Variants in SYNE2 observed in about 807,000 individuals in gnomAD.
SYNE2 encodes spectrin repeat containing nuclear envelope protein 2, also known as nesprin-2.
A neutral mutation model predicts 856.3 loss-of-function variants in SYNE2; 431 were observed. The ratio of observed to expected loss-of-function variants is 0.50; its 90% CI spans 0.47 to 0.55. The LOEUF is 0.55. Ranked by LOEUF, SYNE2 falls within the 20% of genes least tolerant of loss-of-function variation. The probability of loss-of-function intolerance (pLI) is 0.00; values close to 1 mark genes in which losing one functional copy is unlikely to be tolerated. For synonymous variants in SYNE2, 2,923 were observed against 2,872.3 expected (o/e 1.02, Z -0.56); for missense variants, 8,129 against 8,023.2 (o/e 1.01, Z -0.50).
At chr14:63,866,501 CT>C (rs1030495143) in intron 1 of SYNE2, among the ~76,000 whole-genome samples, 1 of 151,784 alleles carries the variant, frequency 6.6e-6, no homozygotes, top group East Asian at 1.9e-4. Context: ...CATCTCTATT[CT>C]TTTTTTTAAA....
chr14:64,080,654 G>T lies in SYNE2; in HGVS notation c.11346+16G>T. The stretch of plus-strand genomic sequence containing the variant: ...GTTGAATAAGGTATGGCTGTGACTC[G>T]TAATAGCTTCATATCATGTGGTGGT... On this transcript the variant is annotated intron_variant, in intron 56 of 115. Coordinates refer to ENST00000555002, the MANE Select transcript of SYNE2 (RefSeq NM_182914.3). The T allele has an allele frequency of 6.2e-7, 1 of 1,613,312 alleles. No individual in the cohort carries two copies. The highest frequency in any genetic ancestry group is 8.5e-7 in the Non-Finnish European group (1 of 1,179,418).
At chr14:64,037,149 T>TA (rs1332547014) in intron 45 of SYNE2, among the ~76,000 whole-genome samples, 6 of 151,556 alleles carry the variant, frequency 4.0e-5, no homozygotes, top group Non-Finnish European at 8.8e-5. Context: ...TTTTTTTTTT[T>TA]AATTGATCAT....
At chr14:63,830,530 G>A (rs1025075859) in intron 1 of SYNE2, among the ~76,000 whole-genome samples, 8 of 151,664 alleles carry the variant, frequency 5.3e-5, no homozygotes, top group East Asian at 1.9e-4. Flanking sequence ...GAGTGGTGGC[G>A]TGTACCTATG....
chr14:63,818,024 CA>C lies in SYNE2; in HGVS notation c.-304-34455del, dbSNP rs34186501. Among the ~76,000 whole-genome samples, 446 of 64,772 alleles carry C rather than the reference CA, an allele frequency of 6.9e-3. 1 individual carries two copies. Among genetic ancestry groups the C allele is most frequent in the African/African-American group, 0.025 (377 of 15,368 alleles). 42.5% of individuals were successfully genotyped at this position (64,772 alleles called of 152,430 possible). A position where few individuals can be genotyped will look rare whatever the true frequency, so the allele number is the denominator to read the frequency against. ...TGGGCTACCAAGTGAGACCCTTTCT[CA>C]AAAAAAAAAAAAAAAAAAAAACAAA... On this transcript the variant is annotated intron_variant, in intron 1 of 23. Coordinates refer to the SYNE2 transcript ENST00000674003.
rs370147066 is a variant in SYNE2 at position 64,152,644 on chromosome 14, A to G, written c.15720A>G (p.Ala5240=). 2 of 1,614,168 alleles carry G rather than the reference A, an allele frequency of 1.2e-6. No individual in the cohort carries two copies. The highest frequency in any genetic ancestry group is 1.3e-5 in the African/African-American group (1 of 75,068). Residue 5240 remains alanine (A), a synonymous_variant, in exon 85 of 116, where the codon GCA becomes GCG. Coordinates refer to ENST00000555002, the MANE Select transcript of SYNE2 (RefSeq NM_182914.3). Reference sequence around the variant, plus strand: ...GTTATCTGACTTTGGAGAGTGGGGCAGTGCCATTGTTAGAAGATACAGCAT... The same window carrying G: ...GTTATCTGACTTTGGAGAGTGGGGCGGTGCCATTGTTAGAAGATACAGCAT... ...KQSYLTLESG[A]VPLLEDTASR...
chr14:63,857,290 C>T (rs1284493932), intron 1 of SYNE2, among the ~76,000 whole-genome samples: 4 of 152,188 alleles, frequency 2.6e-5, no homozygotes, highest in Admixed American at 2.6e-4. Context: ...TGAGACTCAT[C>T]CACATTGTAT....
At chr14:63,924,682 CAATT>C (rs986450235) in intron 2 of SYNE2, among the ~76,000 whole-genome samples, 32 of 152,118 alleles carry the variant, frequency 2.1e-4, no homozygotes, top group African/African-American at 7.7e-4. Flanking sequence ...TATAGAAGTA[CAATT>C]AATTTTTGTA....
chr14:63,981,533 TA>T (rs1176675785), intron 16 of SYNE2, among the ~76,000 whole-genome samples: 1 of 152,174 alleles, frequency 6.6e-6, no homozygotes, highest in Admixed American at 6.5e-5. Flanking sequence ...ACAGTTAAAA[TA>T]AACTACTGTT....
intron 10 of SYNE2, among the ~76,000 whole-genome samples, chr14:63,965,403 G>A (rs563596009): frequency 6.6e-6 from 1 of 152,318 alleles, no homozygotes; most frequent in African/African-American, 2.4e-5. Flanking sequence ...CTACTGAAAG[G>A]GTAGACATGG....
intron 57 of SYNE2, among the ~76,000 whole-genome samples, chr14:64,082,637 A>G (rs1211571270): frequency 1.1e-4 from 16 of 152,204 alleles, no homozygotes; most frequent in Non-Finnish European, 8.8e-5. Context: ...CCCAAGCTCC[A>G]GATGGCACCG....
At chr14:63,931,183 GAGT>G (rs1439015536) in intron 2 of SYNE2, among the ~76,000 whole-genome samples, 3 of 152,300 alleles carry the variant, frequency 2.0e-5, no homozygotes, top group Middle Eastern at 3.4e-3. Flanking sequence ...TACAGAAAAA[GAGT>G]GCTTTTCTTC....
intron 79 of SYNE2, among the ~76,000 whole-genome samples, chr14:64,138,387 G>A (rs1433314350): frequency 2.0e-5 from 3 of 151,802 alleles, no homozygotes; most frequent in South Asian, 2.1e-4. Flanking sequence ...ATAGGCCACC[G>A]TGCATGGCTA....
At chr14:64,106,049 C>CAA (rs549854082) in intron 64 of SYNE2, among the ~76,000 whole-genome samples, 22 of 92,310 alleles carry the variant, frequency 2.4e-4, no homozygotes, top group African/African-American at 7.5e-4. Context: ...GGCCCTGTCT[C>CAA]AAAAAAAAAA....
At chr14:63,957,723 C>T (rs951155358) in intron 8 of SYNE2, among the ~76,000 whole-genome samples, 3 of 152,010 alleles carry the variant, frequency 2.0e-5, no homozygotes, top group Non-Finnish European at 2.9e-5. Flanking sequence ...CAAAATTAGC[C>T]GGGTGTGGTG....
intron 1 of SYNE2, among the ~76,000 whole-genome samples, chr14:63,869,651 A>C (rs1476040086): frequency 2.0e-5 from 3 of 151,416 alleles, no homozygotes; most frequent in African/African-American, 7.3e-5. Flanking sequence ...AAAAAAAAAA[A>C]AAAAAAAACT....
intron 45 of SYNE2, among the ~76,000 whole-genome samples, chr14:64,044,099 A>G (rs1343087875): frequency 6.6e-6 from 1 of 152,186 alleles, no homozygotes; most frequent in Admixed American, 6.5e-5. Flanking sequence ...AGCTGCAAAC[A>G]TTCAATGCCA....
At chr14:63,899,582 G>A (rs1322403514) in intron 1 of SYNE2, among the ~76,000 whole-genome samples, 2 of 151,624 alleles carry the variant, frequency 1.3e-5, no homozygotes, top group Non-Finnish European at 2.9e-5. Context: ...GCTTATTGCA[G>A]CCTTGACCTC....
intron 1 of SYNE2, among the ~76,000 whole-genome samples, chr14:63,870,067 A>C (rs908846477): frequency 4.6e-5 from 7 of 152,090 alleles, no homozygotes; most frequent in Non-Finnish European, 1.0e-4. Context: ...GCTCACACCA[A>C]ACACCTGCTT....
intron 1 of SYNE2, among the ~76,000 whole-genome samples, chr14:63,818,386 CA>C (rs1455250721): frequency 2.7e-5 from 4 of 147,872 alleles, no homozygotes; most frequent in Non-Finnish European, 5.9e-5. Context: ...GGCATGGTGA[CA>C]CAAGTCTGTA....
Sources: allele counts gnomAD v4.1 joint callset (sites outside exome capture counted in the v4.1 genomes callset), GRCh38; gene constraint gnomAD v4.1.1; transcripts MANE v1.5; gene names NCBI Gene and HGNC (gene_info 2026-07-23, HGNC 2026-07-21).